CDK14: variants seen among roughly 807,000 people sequenced by gnomAD.
CDK14 encodes cyclin dependent kinase 14.
A neutral mutation model predicts 60.7 loss-of-function variants in CDK14; 34 were observed. The ratio of observed to expected loss-of-function variants is 0.56; its 90% CI spans 0.43 to 0.75. The LOEUF is 0.75. Among genes scored for constraint, CDK14 ranks in the 30% least tolerant of loss-of-function variants. CDK14 has a pLI of 0.00. For missense variants in CDK14, 482 were observed against 564.1 expected (o/e 0.85, Z 1.47); for synonymous variants, 197 against 203.7 (o/e 0.97, Z 0.28).
At chr7:91,011,984 A>G (rs1796172972) in intron 10 of CDK14, among the ~76,000 whole-genome samples, 1 of 151,806 alleles carries the variant, frequency 6.6e-6, no homozygotes, top group African/African-American at 2.4e-5. Context: ...ATGCCTGGTA[A>G]TTTTTTATTC....
rs115959025 is a variant in CDK14 at position 90,749,889 on chromosome 7, A to G, written c.464+2114A>G. Among the ~76,000 whole-genome samples the G allele has an allele frequency of 8.1e-3, 1,234 of 152,222 alleles. 23 individuals are homozygous for G. The highest frequency in any genetic ancestry group is 0.026 in the African/African-American group (1,066 of 41,526). ...GACTGAGAAGGGAACTCAGAACACT[A>G]TGGGCTCCACAGATCAGCCCATTGC... is the stretch of plus-strand genomic sequence containing the variant. On this transcript the variant is annotated intron_variant, in intron 4 of 14. Coordinates refer to ENST00000380050, the MANE Select transcript of CDK14 (RefSeq NM_001287135.2).
chr7:91,023,576 T>C (rs981975401), intron 10 of CDK14, among the ~76,000 whole-genome samples: 1 of 152,104 alleles, frequency 6.6e-6, no homozygotes. Context: ...TTCTGAGGAG[T>C]TCAATTATAG....
chr7:91,172,385 C>T (rs991062622), intron 14 of CDK14, among the ~76,000 whole-genome samples: 1 of 152,192 alleles, frequency 6.6e-6, no homozygotes, highest in South Asian at 2.1e-4. Flanking sequence ...TCCTCCACCC[C>T]CCATTGTCTG....
chr7:90,980,194 A>T (rs925593436), intron 9 of CDK14, among the ~76,000 whole-genome samples: 51 of 152,170 alleles, frequency 3.4e-4, no homozygotes, highest in African/African-American at 1.2e-3. Context: ...GTGGGTGTTT[A>T]TGTATTACCT....
rs2374357 is a variant in CDK14 at position 90,757,252 on chromosome 7, C to T, written c.464+9477C>T. ...TGTGTGTGTGTGTGTGTGTGTGTGT[C>T]TGTGTGTGTCTGTGTCCAAGTTTTC... is the stretch of plus-strand genomic sequence containing the variant. On this transcript the variant is annotated intron_variant, in intron 4 of 14. Transcript: ENST00000380050. Among the ~76,000 whole-genome samples, 10 of 125,502 alleles carry T rather than the reference C, an allele frequency of 8.0e-5. No homozygotes were observed. The South Asian group carries it at 2.7e-3, about 33-fold the overall frequency. 82.3% of individuals were successfully genotyped at this position (125,502 alleles called of 152,430 possible).
At chr7:90,809,227 C>G (rs1788990466) in intron 5 of CDK14, among the ~76,000 whole-genome samples, 2 of 152,170 alleles carry the variant, frequency 1.3e-5, no homozygotes, top group African/African-American at 2.4e-5. Context: ...GGAAGTAAAG[C>G]TCCCCTTAGC....
At chr7:90,650,483 T>C (rs1014925368) in intron 2 of CDK14, among the ~76,000 whole-genome samples, 9 of 152,242 alleles carry the variant, frequency 5.9e-5, no homozygotes, top group African/African-American at 2.2e-4. Context: ...TTTGTCAATT[T>C]TGGCTTTTGT....
intron 14 of CDK14, among the ~76,000 whole-genome samples, chr7:91,166,799 C>G (rs1172957632): frequency 6.6e-6 from 1 of 152,198 alleles, no homozygotes; most frequent in African/African-American, 2.4e-5. Context: ...CTGAATTGAT[C>G]ACTATTTTAA....
chr7:91,083,805 C>G lies in CDK14; in HGVS notation c.1154+4325C>G, dbSNP rs73708239. On this transcript the variant is annotated intron_variant, in intron 12 of 14. Coordinates refer to ENST00000380050, the MANE Select transcript of CDK14 (RefSeq NM_001287135.2). ...GACAATAAAGATCTGTCCAAAGATT[C>G]AGGTTGCAAGCAGGTGCCAGGAGGA... is the stretch of plus-strand genomic sequence containing the variant. Among the ~76,000 whole-genome samples, 409 of 152,246 alleles carry G rather than the reference C, an allele frequency of 2.7e-3. 4 individuals carry two copies. Among genetic ancestry groups the G allele is most frequent in the African/African-American group, 9.1e-3 (380 of 41,546 alleles).
chr7:90,834,519 G>A (rs1395364178), intron 5 of CDK14, among the ~76,000 whole-genome samples: 2 of 152,134 alleles, frequency 1.3e-5, no homozygotes, highest in African/African-American at 2.4e-5. Context: ...GGAAGAAATT[G>A]GAGGTTTTGT....
chr7:90,791,903 C>CTTTTT (rs112725000), intron 5 of CDK14, among the ~76,000 whole-genome samples: 26 of 141,732 alleles, frequency 1.8e-4, no homozygotes, highest in Non-Finnish European at 3.3e-4. Flanking sequence ...GAAAGGGCTT[C>CTTTTT]TTTTTTTTTT....
At chr7:90,933,724 A>G (rs947345723) in intron 8 of CDK14, among the ~76,000 whole-genome samples, 1 of 152,242 alleles carries the variant, frequency 6.6e-6, no homozygotes, top group Non-Finnish European at 1.5e-5. Flanking sequence ...AGACAAGGAC[A>G]GAGACAGGGC....
At chr7:90,845,051 C>T (rs925324344) in intron 5 of CDK14, among the ~76,000 whole-genome samples, 10 of 152,154 alleles carry the variant, frequency 6.6e-5, no homozygotes, top group Admixed American at 5.2e-4. Flanking sequence ...TTATTTTACA[C>T]GTTCCTTTTT....
chr7:91,123,560 A>G (rs1033519131), intron 14 of CDK14, among the ~76,000 whole-genome samples: 1 of 152,300 alleles, frequency 6.6e-6, no homozygotes, highest in Non-Finnish European at 1.5e-5. Flanking sequence ...ATGAATATCC[A>G]AATGAGAAGA....
At chr7:90,889,212 CA>C (rs1442175182) in intron 6 of CDK14, among the ~76,000 whole-genome samples, 1 of 152,200 alleles carries the variant, frequency 6.6e-6, no homozygotes, top group Non-Finnish European at 1.5e-5. Context: ...GAAACCACTT[CA>C]GACACTTGAA....
rs560563848 is a variant in CDK14, at chr7:91,075,676, T to C, written c.1106-3756T>C. 4.6e-5 allele frequency among the ~76,000 whole-genome samples: 7 copies of C among 152,298 alleles called. No individual in the cohort carries two copies. The South Asian group carries it at 1.5e-3, about 32-fold the overall frequency. ...TCAAATAGGAAGAGAGGAAGTCAAA[T>C]TGCCTCTGTTTGCAGATGTCATGAT... On this transcript the variant is annotated intron_variant, in intron 11 of 14. Transcript: ENST00000380050.
intron 3 of CDK14, among the ~76,000 whole-genome samples, chr7:90,731,278 A>T (rs1802855705): frequency 6.6e-6 from 1 of 152,144 alleles, no homozygotes; most frequent in African/African-American, 2.4e-5. Flanking sequence ...GTTTGAAGTC[A>T]GGTAGTGTGA....
Position 91,210,374 on chromosome 7 carries a change from T to C in CDK14, c.*3238T>C, listed in dbSNP as rs1241437009. ...TGTATGATGCACTGAGATGTGTACT[T>C]TCTAACAGGGGATTGGTACCTAAGA... On this transcript the variant is annotated 3_prime_UTR_variant, in exon 15 of 15. Transcript: ENST00000380050. The C allele has an allele frequency of 2.8e-4, 43 of 152,582 alleles. 1 individual carries two copies. The highest frequency in any genetic ancestry group is 2.8e-3 in the Admixed American group (43 of 15,276). 9.5% of individuals were successfully genotyped at this position (152,582 alleles called of 1,614,324 possible). A position where few individuals can be genotyped will look rare whatever the true frequency, so the allele number is the denominator to read the frequency against.
chr7:91,117,962 C>CT, intron 13 of CDK14, 103 bp from the exon 14 acceptor site: 1 of 621,726 alleles, frequency 1.6e-6, no homozygotes, highest in Non-Finnish European at 2.8e-6. Context: ...GTTCAGTGTG[C>CT]TGGGCATCCA....
Sources: allele counts gnomAD v4.1 joint callset (sites outside exome capture counted in the v4.1 genomes callset), GRCh38; gene constraint gnomAD v4.1.1; transcripts MANE v1.5; gene names NCBI Gene and HGNC (gene_info 2026-07-23, HGNC 2026-07-21).